KLHL6: variants seen among roughly 807,000 people sequenced by gnomAD.
KLHL6 encodes the protein kelch-like protein 6.
KLHL6 carries 41 observed loss-of-function variants against 58.6 expected under a neutral mutation model. The observed-to-expected ratio is 0.70, with a 90% CI of 0.55 to 0.91. The LOEUF (loss-of-function observed/expected upper bound fraction) is 0.91. KLHL6 is among the 40% of genes least tolerant of loss of function. KLHL6 has a pLI of 0.00. For missense variants in KLHL6, 714 were observed against 805.6 expected (o/e 0.89, Z 1.38); for synonymous variants, 338 against 322.7 (o/e 1.05, Z -0.51).
At chr3:183,539,139 C>T (rs969500633) in intron 1 of KLHL6, among the ~76,000 whole-genome samples, 2 of 152,230 alleles carry the variant, frequency 1.3e-5, no homozygotes, top group African/African-American at 4.8e-5. Context: ...GTCACCCCTA[C>T]TTCCTCCTGA....
At chr3:183,526,020 A>T (rs1056321160) in intron 2 of KLHL6, among the ~76,000 whole-genome samples, 3 of 152,084 alleles carry the variant, frequency 2.0e-5, no homozygotes, top group African/African-American at 4.8e-5. Context: ...AGAATAAATA[A>T]TTTTTTGCCG....
rs963928417 is a variant in KLHL6 at position 183,554,439 on chromosome 3, AG to A, written c.293+921del. On this transcript the variant is annotated intron_variant, in intron 1 of 6. Coordinates refer to ENST00000341319, the MANE Select transcript of KLHL6 (RefSeq NM_130446.4). ...GTGCTCACCTTACAGATGATGAAACAGACATTCAGAGCACTTTGTGACTTGC... is the reference window on the plus strand; with the variant it reads ...GTGCTCACCTTACAGATGATGAAACAACATTCAGAGCACTTTGTGACTTGC... 7.2e-5 allele frequency among the ~76,000 whole-genome samples: 11 copies of A among 152,354 alleles called. No individual in the cohort carries two copies. The East Asian group carries it at 7.7e-4, about 11-fold the overall frequency.
rs544283268 is a variant in KLHL6 at position 183,509,503 on chromosome 3, T to C, written c.460-995A>G. ...GTTGTTATCTCTTTGGGTTATCAGG[T>C]ATCTTAAGGCAAATTCTGCTGCAGC... On this transcript the variant is annotated intron_variant, in intron 2 of 6. Coordinates refer to ENST00000341319, the MANE Select transcript of KLHL6 (RefSeq NM_130446.4). Among the ~76,000 whole-genome samples, 4 of 152,332 alleles carry C rather than the reference T, an allele frequency of 2.6e-5. No homozygotes were observed. In the East Asian group the frequency reaches 7.7e-4, roughly 29 times the overall value.
chr3:183,527,108 A>AT (rs1560104210), intron 2 of KLHL6, among the ~76,000 whole-genome samples: 4 of 151,960 alleles, frequency 2.6e-5, no homozygotes, highest in African/African-American at 9.6e-5. Flanking sequence ...AAAAAAAAAA[A>AT]CAAAAACAAA....
chr3:183,548,993 CGG>C (rs1232213240), intron 1 of KLHL6: 3 of 151,572 alleles, frequency 2.0e-5, no homozygotes, highest in Non-Finnish European at 4.4e-5. Flanking sequence ...CGTGGCCTGT[CGG>C]CGGGTGGGGG....
intron 3 of KLHL6, among the ~76,000 whole-genome samples, chr3:183,506,765 C>T (rs1480846533): frequency 6.6e-6 from 1 of 151,620 alleles, no homozygotes; most frequent in Non-Finnish European, 1.5e-5. Flanking sequence ...GAGGTCGAGG[C>T]TGCAGTGAGC....
At chr3:183,506,563 C>T (rs1173010518) in intron 3 of KLHL6, among the ~76,000 whole-genome samples, 2 of 152,158 alleles carry the variant, frequency 1.3e-5, no homozygotes, top group African/African-American at 4.8e-5. Flanking sequence ...TGTGGTGGCT[C>T]ACACCTGTAA....
chr3:183,514,410 G>A (rs1711507082), intron 2 of KLHL6, among the ~76,000 whole-genome samples: 1 of 151,970 alleles, frequency 6.6e-6, no homozygotes, highest in Non-Finnish European at 1.5e-5. Context: ...CTGCCCTGTT[G>A]CAGTGCCTTT....
chr3:183,536,853 C>T (rs1284754360), intron 1 of KLHL6, among the ~76,000 whole-genome samples: 3 of 152,124 alleles, frequency 2.0e-5, no homozygotes, highest in Non-Finnish European at 2.9e-5. Context: ...GCATTGCTGT[C>T]GACCATGCAT....
chr3:183,545,604 G>A (rs1235314952), intron 1 of KLHL6, among the ~76,000 whole-genome samples: 3 of 152,116 alleles, frequency 2.0e-5, no homozygotes, highest in Non-Finnish European at 2.9e-5. Flanking sequence ...AGACATCATG[G>A]GTAGGGGTGA....
chr3:183,492,390 G>T lies in KLHL6; in HGVS notation c.1564+104C>A. ...AAAGCCAGAGTGGGTCCTAGGGGCA[G>T]TGAGTTGCCAGCGCTGGAGACACCG... On this transcript the variant is annotated intron_variant, in intron 6 of 6. Coordinates refer to ENST00000341319, the MANE Select transcript of KLHL6 (RefSeq NM_130446.4). The surrounding 1 kb of genome is among the most constrained non-coding windows in gnomAD (Gnocchi z 5.9). 1 of 1,366,508 alleles carries T rather than the reference G, an allele frequency of 7.3e-7. No homozygotes were observed. Among genetic ancestry groups the T allele is most frequent in the Non-Finnish European group, 1.0e-6 (1 of 986,778 alleles). 84.6% of individuals were successfully genotyped at this position (1,366,508 alleles called of 1,614,324 possible).
At position 183,499,345 on chromosome 3, in the gene KLHL6, C is replaced by CAA. The variant is rs142652539; in HGVS notation, c.1147+243_1147+244dup. On this transcript the variant is annotated intron_variant, in intron 4 of 6. Transcript: ENST00000341319. The surrounding 1 kb of genome is among the most constrained non-coding windows in gnomAD (Gnocchi z 4.6). ...TGAGCAACAGAGCGAGACGCTGTCT[C>CAA]AAAAAAAAAAGAAAAGAAAAGAAAA... 1.1e-3 allele frequency among the ~76,000 whole-genome samples: 167 copies of CAA among 145,816 alleles called. No homozygotes were observed. Among genetic ancestry groups the CAA allele is most frequent in the Non-Finnish European group, 1.7e-3 (113 of 66,716 alleles).
chr3:183,530,951 C>T (rs1178010060), intron 1 of KLHL6, among the ~76,000 whole-genome samples: 1 of 151,680 alleles, frequency 6.6e-6, no homozygotes, highest in Non-Finnish European at 1.5e-5. Context: ...CCTGCCTTAG[C>T]CTCTGGAGTA....
chr3:183,553,036 G>C (rs753327692), intron 1 of KLHL6, among the ~76,000 whole-genome samples: 2 of 152,126 alleles, frequency 1.3e-5, no homozygotes, highest in Non-Finnish European at 2.9e-5. Flanking sequence ...TCCACAAACA[G>C]GAGTTGATAG....
chr3:183,531,192 G>A (rs1195449216), intron 1 of KLHL6, among the ~76,000 whole-genome samples: 2 of 151,796 alleles, frequency 1.3e-5, no homozygotes, highest in Non-Finnish European at 2.9e-5. Context: ...AGATAATCAG[G>A]ACCACTGCCT....
intron 2 of KLHL6, among the ~76,000 whole-genome samples, chr3:183,515,599 A>T (rs1354268463): frequency 6.6e-6 from 1 of 152,082 alleles, no homozygotes; most frequent in African/African-American, 2.4e-5. Flanking sequence ...AATCCTACCT[A>T]TTCATGAAGT....
chr3:183,530,280 A>T (rs79051717), intron 1 of KLHL6, among the ~76,000 whole-genome samples: 1 of 152,138 alleles, frequency 6.6e-6, no homozygotes, highest in East Asian at 1.9e-4. Context: ...AGATTGCCAC[A>T]AATAGGATGT....
Position 183,511,989 on chromosome 3 carries a change from T to A in KLHL6, c.460-3481A>T, listed in dbSNP as rs555700878. ...GAACCCCATGTCTGCTGGTCTCAAC[T>A]GCCGGCAGCTCTGCTCTTTGCATGA... On this transcript the variant is annotated intron_variant, in intron 2 of 6. Transcript: ENST00000341319. Among the ~76,000 whole-genome samples, 62 of 152,342 alleles carry A rather than the reference T, an allele frequency of 4.1e-4. 1 individual carries two copies. The highest frequency in any genetic ancestry group is 2.2e-3 in the Admixed American group (34 of 15,296).
At position 183,508,225 on chromosome 3, in the gene KLHL6, G is replaced by C; in HGVS notation, c.743C>G (p.Ser248Ter). The change falls in exon 3 of 7, where the codon TCA (serine) becomes TGA (stop). Residue 248 changes from serine to a stop codon, truncating the protein, a stop_gained. Coordinates refer to ENST00000341319, the MANE Select transcript of KLHL6 (RefSeq NM_130446.4). LOFTEE classifies it high-confidence loss of function. ...ATAGGGGAGTAAGCAGAGTCGTTCT[G>C]ATGGCTTGTGCCGGACCCAGCTCAT... ...TVMSWVRHKP[S>*]ERLCLLPYVL... 6.2e-7 allele frequency: 1 copy of C among 1,614,158 alleles called. No homozygotes were observed. The highest frequency in any genetic ancestry group is 8.5e-7 in the Non-Finnish European group (1 of 1,180,018).
Sources: allele counts gnomAD v4.1 joint callset (sites outside exome capture counted in the v4.1 genomes callset), GRCh38; gene constraint gnomAD v4.1.1; non-coding constraint Gnocchi (gnomAD v3.1); transcripts MANE v1.5; gene names NCBI Gene and HGNC (gene_info 2026-07-23, HGNC 2026-07-21).